Variants in ENTHD1 observed in about 807,000 individuals in gnomAD.
The protein encoded by ENTHD1 is ENTH domain containing 1, also known as ENTH domain-containing protein 1.
Under a neutral mutation model 39.1 loss-of-function variants are expected in ENTHD1, and 23 were observed. The observed-to-expected ratio is 0.59, with a 90% CI of 0.42 to 0.83. The LOEUF (loss-of-function observed/expected upper bound fraction) is 0.83. ENTHD1 is among the 40% of genes least tolerant of loss of function. The probability of loss-of-function intolerance (pLI) is 0.00; values close to 1 mark genes in which losing one functional copy is unlikely to be tolerated. For synonymous variants in ENTHD1, 230 were observed against 258.2 expected (o/e 0.89, Z 1.05); for missense variants, 624 against 705.4 (o/e 0.88, Z 1.31).
At chr22:39,836,063 T>C (rs920105743) in intron 3 of ENTHD1, 105 bp from the exon 4 acceptor site, 54 of 728,200 alleles carry the variant, frequency 7.4e-5, no homozygotes, top group Non-Finnish European at 1.1e-4. Flanking sequence ...TACCTTTTTT[T>C]CCTGCTAAAT....
At chr22:39,789,189 G>A (rs534168583) in intron 5 of ENTHD1, among the ~76,000 whole-genome samples, 2 of 152,278 alleles carry the variant, frequency 1.3e-5, no homozygotes, top group East Asian at 1.9e-4. Context: ...GAACACAAGA[G>A]TGCAGGTATC....
chr22:39,890,087 G>A (rs2066414124), intron 1 of ENTHD1, among the ~76,000 whole-genome samples: 1 of 148,202 alleles, frequency 6.7e-6, no homozygotes. Flanking sequence ...GATAGAGTGA[G>A]ACTCTGTCTC....
intron 5 of ENTHD1, among the ~76,000 whole-genome samples, chr22:39,778,726 C>T (rs776143721): frequency 6.6e-6 from 1 of 152,208 alleles, no homozygotes; most frequent in African/African-American, 2.4e-5. Context: ...CTTGTTCTTA[C>T]AGCTCTTTCC....
intron 2 of ENTHD1, chr22:39,875,396 G>A (rs569022345): frequency 3.0e-5 from 44 of 1,448,852 alleles, no homozygotes; most frequent in Admixed American, 2.0e-4. Flanking sequence ...CACGGTGCCC[G>A]CCACCCCGGA....
intron 2 of ENTHD1, among the ~76,000 whole-genome samples, chr22:39,863,192 T>C (rs928704670): frequency 2.0e-5 from 3 of 152,052 alleles, no homozygotes; most frequent in Non-Finnish European, 4.4e-5. Flanking sequence ...CTAAGACAGA[T>C]AGACAGACAG....
At chr22:39,817,846 T>C (rs1439695775) in intron 5 of ENTHD1, among the ~76,000 whole-genome samples, 1 of 152,234 alleles carries the variant, frequency 6.6e-6, no homozygotes, top group East Asian at 1.9e-4. Context: ...ACCTGGCTAT[T>C]CAAATAGGAT....
intron 5 of ENTHD1, among the ~76,000 whole-genome samples, chr22:39,805,422 C>T (rs1219866624): frequency 1.3e-5 from 2 of 152,214 alleles, no homozygotes; most frequent in Non-Finnish European, 2.9e-5. Flanking sequence ...ATTAGCTGAG[C>T]GAGGGTGGCA....
chr22:39,761,736 A>C (rs2065234514), intron 6 of ENTHD1, among the ~76,000 whole-genome samples: 1 of 151,476 alleles, frequency 6.6e-6, no homozygotes, highest in South Asian at 2.1e-4. Flanking sequence ...TAAAATTTTC[A>C]TTTCAATTAT....
chr22:39,801,509 T>C (rs2065598240), intron 5 of ENTHD1, among the ~76,000 whole-genome samples: 1 of 152,164 alleles, frequency 6.6e-6, no homozygotes, highest in Non-Finnish European at 1.5e-5. Flanking sequence ...CTACAAAATA[T>C]TTAGAAAGGA....
chr22:39,771,947 T>C (rs1438551544), intron 5 of ENTHD1, among the ~76,000 whole-genome samples: 1 of 152,222 alleles, frequency 6.6e-6, no homozygotes. Flanking sequence ...ATGTAAAAGA[T>C]TGTTTTTACT....
chr22:39,867,653 G>A lies in ENTHD1; in HGVS notation c.350-5646C>T, dbSNP rs1325803127. ...ACCCTCCACAATGCCTTCAGGTAAC[G>A]CGGTGGGGGTAGAAAGGGAGGGGAG... is the stretch of plus-strand genomic sequence containing the variant. On this transcript the variant is annotated intron_variant, in intron 2 of 6. Coordinates refer to ENST00000325157, the MANE Select transcript of ENTHD1 (RefSeq NM_152512.4). This position sits in a 1 kb window ranked among gnomAD's most constrained non-coding sequence, Gnocchi z 4.5. Among the ~76,000 whole-genome samples the A allele has an allele frequency of 2.0e-5, 3 of 151,990 alleles. No homozygotes were observed. Among genetic ancestry groups the A allele is most frequent in the East Asian group, 1.9e-4 (1 of 5,182 alleles).
At chr22:39,877,607 C>G (rs556155356) in intron 2 of ENTHD1, among the ~76,000 whole-genome samples, 1 of 152,208 alleles carries the variant, frequency 6.6e-6, no homozygotes, top group African/African-American at 2.4e-5. Flanking sequence ...TCAGGGCCTC[C>G]CTCACTTTTG....
intron 1 of ENTHD1, among the ~76,000 whole-genome samples, chr22:39,890,026 A>G (rs180759480): frequency 1.3e-5 from 2 of 152,066 alleles, no homozygotes; most frequent in East Asian, 3.9e-4. Flanking sequence ...GGAACCTGGG[A>G]GGCAGAGGTT....
intron 5 of ENTHD1, among the ~76,000 whole-genome samples, chr22:39,819,745 G>A (rs1178259269): frequency 6.6e-6 from 1 of 152,162 alleles, no homozygotes; most frequent in Non-Finnish European, 1.5e-5. Context: ...GACTTCAGAT[G>A]ATTATATGGC....
intron 5 of ENTHD1, among the ~76,000 whole-genome samples, chr22:39,815,460 A>C (rs922541901): frequency 2.0e-5 from 3 of 152,192 alleles, no homozygotes; most frequent in African/African-American, 4.8e-5. Context: ...AAAAAAACAA[A>C]GGTAAACATT....
chr22:39,766,269 G>T (rs2065277026), intron 5 of ENTHD1, among the ~76,000 whole-genome samples: 1 of 151,962 alleles, frequency 6.6e-6, no homozygotes, highest in African/African-American at 2.4e-5. Context: ...CCATTCTAGT[G>T]GTTAATATCA....
intron 5 of ENTHD1, among the ~76,000 whole-genome samples, chr22:39,819,695 G>A (rs1346263824): frequency 1.3e-5 from 2 of 152,088 alleles, no homozygotes; most frequent in Non-Finnish European, 2.9e-5. Context: ...CAAACCCACA[G>A]AATATATAAC....
At chr22:39,876,316 G>A (rs1367424032) in intron 2 of ENTHD1, among the ~76,000 whole-genome samples, 1 of 152,168 alleles carries the variant, frequency 6.6e-6, no homozygotes, top group African/African-American at 2.4e-5. Context: ...GTTAAGCACT[G>A]TTATGCTCAG....
chr22:39,878,058 G>A (rs907076486), intron 2 of ENTHD1, among the ~76,000 whole-genome samples: 1 of 152,320 alleles, frequency 6.6e-6, no homozygotes, highest in South Asian at 2.1e-4. Context: ...AACAGATAAT[G>A]TGGACAGCAT....
Sources: gnomAD v4.1 joint callset for allele counts (sites outside exome capture counted in the v4.1 genomes callset) on GRCh38, gnomAD v4.1.1 for gene constraint, Gnocchi (gnomAD v3.1) non-coding constraint, MANE v1.5 for transcripts, NCBI Gene and HGNC (gene_info 2026-07-23, HGNC 2026-07-21) for gene names.